The following SAMD3 variants were observed in gnomAD, a reference collection of about 807,000 sequenced individuals.
SAMD3 encodes sterile alpha motif domain-containing protein 3.
A neutral mutation model predicts 58.5 loss-of-function variants in SAMD3; 63 were observed. The observed-to-expected ratio is 1.08, with a 90% CI of 0.88 to 1.33. The LOEUF (loss-of-function observed/expected upper bound fraction) is 1.33. SAMD3 is among the 40% of genes most tolerant of loss of function. SAMD3 has a pLI of 0.00. For synonymous variants in SAMD3, 220 were observed against 210.3 expected (o/e 1.05, Z -0.40); for missense variants, 604 against 608.4 (o/e 0.99, Z 0.08).
rs150513582 is a variant in SAMD3, at chr6:130,244,157, G to T, written c.-187-21344C>A. ...TGGGCTATGTAATTTAGTTTTATTGGTTTATTTGATTTAAAGGAAAATATT... is the reference window on the plus strand; with the variant it reads ...TGGGCTATGTAATTTAGTTTTATTGTTTTATTTGATTTAAAGGAAAATATT... On this transcript the variant is annotated intron_variant, in intron 2 of 13. Coordinates refer to the SAMD3 transcript ENST00000368134. Among the ~76,000 whole-genome samples the T allele has an allele frequency of 8.1e-3, 1,234 of 152,280 alleles. 10 individuals carry two copies. The highest frequency in any genetic ancestry group is 0.012 in the Non-Finnish European group (849 of 68,020).
intron 9 of SAMD3, among the ~76,000 whole-genome samples, chr6:130,152,832 G>A (rs1789351549): frequency 6.6e-6 from 1 of 152,178 alleles, no homozygotes; most frequent in South Asian, 2.1e-4. Flanking sequence ...AGGAGGCCTG[G>A]ACAAAAGCAC....
At chr6:130,228,842 C>T (rs1277571711) in intron 2 of SAMD3, among the ~76,000 whole-genome samples, 1 of 152,204 alleles carries the variant, frequency 6.6e-6, no homozygotes, top group Non-Finnish European at 1.5e-5. Flanking sequence ...TTCCTTCTTC[C>T]TCACTGCCAC....
At chr6:130,330,773 G>A (rs969535252) in intron 1 of SAMD3, among the ~76,000 whole-genome samples, 4 of 152,072 alleles carry the variant, frequency 2.6e-5, no homozygotes, top group Non-Finnish European at 4.4e-5. Context: ...CGGCTGTTTG[G>A]GTGCTACCTG....
chr6:130,233,306 G>T (rs1452876480), intron 2 of SAMD3, among the ~76,000 whole-genome samples: 1 of 152,162 alleles, frequency 6.6e-6, no homozygotes, highest in African/African-American at 2.4e-5. Context: ...GGATGTGCAG[G>T]TCTGTTAAAT....
chr6:130,343,211 G>A (rs1275279984), intron 1 of SAMD3, among the ~76,000 whole-genome samples: 2 of 151,626 alleles, frequency 1.3e-5, no homozygotes, highest in African/African-American at 2.4e-5. Flanking sequence ...CTGAAAGCTC[G>A]GACATTCTCC....
At chr6:130,167,412 T>C (rs996757243) in intron 8 of SAMD3, among the ~76,000 whole-genome samples, 7 of 152,158 alleles carry the variant, frequency 4.6e-5, no homozygotes, top group African/African-American at 1.7e-4. Context: ...TGCCATGAAG[T>C]GAGAAGTTGG....
intron 8 of SAMD3, among the ~76,000 whole-genome samples, chr6:130,173,428 C>A (rs961059695): frequency 1.2e-4 from 18 of 152,164 alleles, no homozygotes; most frequent in African/African-American, 4.1e-4. Context: ...TTTCTTCTAA[C>A]AGATCCCTCT....
chr6:130,192,360 A>G (rs1310376708), intron 5 of SAMD3, among the ~76,000 whole-genome samples: 3 of 152,178 alleles, frequency 2.0e-5, no homozygotes, highest in Non-Finnish European at 4.4e-5. Flanking sequence ...TGTGACCTGC[A>G]CATACACATC....
intron 2 of SAMD3, among the ~76,000 whole-genome samples, chr6:130,254,509 A>T (rs1361833947): frequency 2.0e-5 from 3 of 151,320 alleles, no homozygotes; most frequent in Admixed American, 2.0e-4. Context: ...TTGTATTTTT[A>T]GTAGAGATAA....
chr6:130,340,958 C>T (rs553634437), intron 1 of SAMD3, among the ~76,000 whole-genome samples: 1 of 152,206 alleles, frequency 6.6e-6, no homozygotes, highest in South Asian at 2.1e-4. Context: ...GGTGTGTCAT[C>T]CTTGAGTGAA....
chr6:130,157,910 A>G (rs1393216842), intron 8 of SAMD3, among the ~76,000 whole-genome samples: 1 of 151,504 alleles, frequency 6.6e-6, no homozygotes, highest in Non-Finnish European at 1.5e-5. Context: ...ACATACGCTA[A>G]CATAGAAAAT....
chr6:130,284,902 C>T (rs1475635899), intron 2 of SAMD3, among the ~76,000 whole-genome samples: 1 of 152,162 alleles, frequency 6.6e-6, no homozygotes, highest in Admixed American at 6.5e-5. Context: ...GGTAAACCCA[C>T]AGTTCTATGG....
chr6:130,171,928 C>T (rs1182649629), intron 8 of SAMD3, among the ~76,000 whole-genome samples: 1 of 152,196 alleles, frequency 6.6e-6, no homozygotes, highest in African/African-American at 2.4e-5. Context: ...ATAGTTAGCT[C>T]TTCTTGTTGC....
intron 1 of SAMD3, among the ~76,000 whole-genome samples, chr6:130,338,225 G>A (rs1291055557): frequency 6.6e-6 from 1 of 152,254 alleles, no homozygotes; most frequent in Non-Finnish European, 1.5e-5. Flanking sequence ...AGACTTGGCA[G>A]CTTCCAAGTA....
chr6:130,187,076 A>G (rs1793067945), intron 5 of SAMD3, among the ~76,000 whole-genome samples: 1 of 151,950 alleles, frequency 6.6e-6, no homozygotes, highest in African/African-American at 2.4e-5. Flanking sequence ...GGGCCTTCCT[A>G]GCATTTTTTA....
chr6:130,316,980 A>G (rs906609590), intron 1 of SAMD3, among the ~76,000 whole-genome samples: 1 of 152,208 alleles, frequency 6.6e-6, no homozygotes. Flanking sequence ...TCTGGTTTGT[A>G]CAGCCAGGAG....
chr6:130,144,453 C>T lies in SAMD3; in HGVS notation c.*67G>A. 1.3e-6 allele frequency: 2 copies of T among 1,514,250 alleles called. No individual in the cohort carries two copies. Among genetic ancestry groups the T allele is most frequent in the East Asian group, 2.3e-5 (1 of 44,114 alleles). The allele number at this position is 1,514,250 out of a possible 1,614,324, so 93.8% of individuals were successfully genotyped here. ...ACCTACCTCTACCACAACCCTAAAT[C>T]AAAACAATTTCTTATGAAGCTTCAG... On this transcript the variant is annotated 3_prime_UTR_variant, in exon 12 of 12. Coordinates refer to ENST00000439090, the MANE Select transcript of SAMD3 (RefSeq NM_001017373.4).
At chr6:130,308,773 T>C (rs1181367274) in intron 2 of SAMD3, among the ~76,000 whole-genome samples, 4 of 152,040 alleles carry the variant, frequency 2.6e-5, no homozygotes, top group Admixed American at 2.0e-4. Context: ...TACCTCCACA[T>C]AAAAATGGCC....
At chr6:130,194,705 G>A (rs1296677135) in intron 5 of SAMD3, among the ~76,000 whole-genome samples, 2 of 152,198 alleles carry the variant, frequency 1.3e-5, no homozygotes, top group Admixed American at 6.5e-5. Flanking sequence ...GACCCCACTG[G>A]AAATTGGACT....
Sources: gnomAD v4.1 joint callset for allele counts (sites outside exome capture counted in the v4.1 genomes callset) on GRCh38, gnomAD v4.1.1 for gene constraint, MANE v1.5 for transcripts, NCBI Gene and HGNC (gene_info 2026-07-23, HGNC 2026-07-21) for gene names.